Variants in SLC45A4 observed in about 807,000 individuals in gnomAD.
SLC45A4 encodes the protein polyamine-transporter SLC45A4.
SLC45A4 carries 32 observed loss-of-function variants against 63.7 expected under a neutral mutation model. That is an observed-to-expected ratio of 0.50 (90% confidence interval 0.38 to 0.67). SLC45A4 has a LOEUF of 0.67. Ranked by LOEUF, SLC45A4 falls within the 30% of genes least tolerant of loss-of-function variation. The probability of loss-of-function intolerance (pLI) is 0.00; values close to 1 mark genes in which losing one functional copy is unlikely to be tolerated. For missense variants in SLC45A4, 1,027 were observed against 1,157.7 expected, an observed-to-expected ratio of 0.89 and a Z score of 1.64; for synonymous variants, 535 against 510.0, an observed-to-expected ratio of 1.05 and a Z score of -0.66.
intron 2 of SLC45A4, among the ~76,000 whole-genome samples, chr8:141,223,154 A>G (rs775991122): frequency 1.3e-5 from 2 of 152,236 alleles, no homozygotes; most frequent in Non-Finnish European, 2.9e-5. Context: ...TAATGTGCTC[A>G]CTAAAACATG....
At chr8:141,234,089 C>T (rs903137142) in intron 2 of SLC45A4, among the ~76,000 whole-genome samples, 1 of 152,242 alleles carries the variant, frequency 6.6e-6, no homozygotes, top group Admixed American at 6.5e-5. Flanking sequence ...ATTAGCGAAT[C>T]GTCGCCAACA....
At chr8:141,277,749 C>T (rs1829784996) in intron 1 of SLC45A4, among the ~76,000 whole-genome samples, 4 of 152,072 alleles carry the variant, frequency 2.6e-5, no homozygotes, top group Admixed American at 6.5e-5. Flanking sequence ...ACGCCATTCT[C>T]CTGCCTCAGC....
chr8:141,296,761 A>C (rs1185304788), intron 1 of SLC45A4, among the ~76,000 whole-genome samples: 1 of 146,650 alleles, frequency 6.8e-6, no homozygotes, highest in African/African-American at 2.5e-5. Flanking sequence ...GCTTGTACCC[A>C]CGAGGCAGAG....
intron 1 of SLC45A4, among the ~76,000 whole-genome samples, chr8:141,269,580 C>CTGTGTGTGTGGG (rs1368826311): frequency 3.0e-4 from 44 of 146,198 alleles, no homozygotes; most frequent in African/African-American, 1.0e-3. Flanking sequence ...GCCTATGTGT[C>CTGTGTGTGTGGG]TGTGTGTGTG....
chr8:141,275,169 G>C (rs1241022929), intron 1 of SLC45A4, among the ~76,000 whole-genome samples: 1 of 152,178 alleles, frequency 6.6e-6, no homozygotes, highest in African/African-American at 2.4e-5. Context: ...CATTTTCTGT[G>C]ACGAGGAAAG....
chr8:141,292,817 C>T (rs972195309), intron 1 of SLC45A4: 1 of 152,258 alleles, frequency 6.6e-6, no homozygotes, highest in Non-Finnish European at 1.5e-5. Flanking sequence ...AAAACCACAC[C>T]CTATCAACGC....
chr8:141,269,275 C>T (rs1029489321), intron 1 of SLC45A4, among the ~76,000 whole-genome samples: 1 of 152,238 alleles, frequency 6.6e-6, no homozygotes, highest in Non-Finnish European at 1.5e-5. Flanking sequence ...CTTAAGTCTT[C>T]TGATAACCGT....
Position 141,212,302 on chromosome 8 carries a change from G to A in SLC45A4, c.2196C>T (p.Ser732=). 6.2e-7 allele frequency: 1 copy of A among 1,609,302 alleles called. No individual in the cohort carries two copies. The highest frequency in any genetic ancestry group is 8.5e-7 in the Non-Finnish European group (1 of 1,176,874). The change falls in exon 8 of 9, where the codon TCC becomes TCT. Residue 732 remains serine, a synonymous_variant. Coordinates refer to ENST00000517878, the MANE Select transcript of SLC45A4 (RefSeq NM_001286646.2). Reference sequence around the variant, plus strand: ...CGGCCCTGCCTTCGCCGGCCAACGGGGAAGACAGGCCTTTCTGCTCCTCCT... The same window carrying A: ...CGGCCCTGCCTTCGCCGGCCAACGGAGAAGACAGGCCTTTCTGCTCCTCCT... ...EAKEEQKGLS[S]PLAGEGRAGG... is the part of the protein sequence containing the mutation.
rs1826485086 is a variant in SLC45A4 at position 141,219,823 on chromosome 8, G to C, written c.437C>G (p.Ala146Gly). 6.3e-7 allele frequency: 1 copy of C among 1,579,076 alleles called. No homozygotes were observed. Among genetic ancestry groups the C allele is most frequent in the Non-Finnish European group, 8.6e-7 (1 of 1,163,942 alleles). Residue 146 changes from alanine (A) to glycine (G), a missense_variant, in exon 4 of 9, where the codon GCC becomes GGC. Transcript: ENST00000517878. Reference sequence around the variant, plus strand: ...CTGCCGGTTGGGGACATCGCCGAGGGCCAGACCTGCGCAGAGCACACGGGA... The same window carrying C: ...CTGCCGGTTGGGGACATCGCCGAGGCCCAGACCTGCGCAGAGCACACGGGA... The part of the protein sequence containing the change: ...LFLNGSAIGL[A>G]LGDVPNRQPI...
chr8:141,299,042 G>A (rs776221385), intron 1 of SLC45A4, among the ~76,000 whole-genome samples: 1 of 152,176 alleles, frequency 6.6e-6, no homozygotes, highest in Non-Finnish European at 1.5e-5. Context: ...CGCCCGGCAC[G>A]GATGCAGATG....
intron 1 of SLC45A4, among the ~76,000 whole-genome samples, chr8:141,273,562 C>T (rs1829619406): frequency 6.6e-6 from 1 of 152,072 alleles, no homozygotes; most frequent in South Asian, 2.1e-4. Flanking sequence ...GCACGCGAAG[C>T]AGCTAAATGG....
At chr8:141,272,040 C>T (rs1290508558) in intron 1 of SLC45A4, among the ~76,000 whole-genome samples, 1 of 152,146 alleles carries the variant, frequency 6.6e-6, no homozygotes, top group Non-Finnish European at 1.5e-5. Flanking sequence ...CATTCACACA[C>T]GTGTGCAACA....
At chr8:141,255,171 C>A (rs1828714805) in intron 1 of SLC45A4, among the ~76,000 whole-genome samples, 1 of 152,178 alleles carries the variant, frequency 6.6e-6, no homozygotes, top group Non-Finnish European at 1.5e-5. Context: ...TGGCTCTCTG[C>A]AGCCTCAAAC....
intron 4 of SLC45A4, 140 bp downstream of exon 4, chr8:141,219,510 G>T: frequency 9.1e-7 from 1 of 1,097,770 alleles, no homozygotes. Flanking sequence ...TTACCTTCCA[G>T]CCCTAAGACC....
Position 141,227,624 on chromosome 8 carries a change from T to C in SLC45A4, c.242-5859A>G, listed in dbSNP as rs1029293137. On this transcript the variant is annotated intron_variant, in intron 2 of 8. Transcript: ENST00000517878. The surrounding 1 kb of genome is among the most constrained non-coding windows in gnomAD (Gnocchi z 4.4). Reference sequence around the variant, plus strand: ...GCCGGGGGAGCCGGGCCCCCAGGGCTCGGGCCACCTGCTTGCAAGAGGGGA... The same window carrying C: ...GCCGGGGGAGCCGGGCCCCCAGGGCCCGGGCCACCTGCTTGCAAGAGGGGA... Among the ~76,000 whole-genome samples the C allele has an allele frequency of 6.6e-6, 1 of 152,034 alleles. No individual in the cohort carries two copies. The highest frequency in any genetic ancestry group is 2.4e-5 in the African/African-American group (1 of 41,390).
At chr8:141,211,797 T>C in intron 8 of SLC45A4, 100 bp from the exon 9 acceptor site, 1 of 1,361,676 alleles carries the variant, frequency 7.3e-7, no homozygotes, top group Non-Finnish European at 9.5e-7. Flanking sequence ...CAGATTTTGT[T>C]TTCAATTATA....
intron 1 of SLC45A4, among the ~76,000 whole-genome samples, chr8:141,287,076 C>A (rs955260617): frequency 6.6e-6 from 1 of 152,080 alleles, no homozygotes; most frequent in African/African-American, 2.4e-5. Flanking sequence ...AGGTCATGTG[C>A]GAGGCCTTAG....
intron 6 of SLC45A4, among the ~76,000 whole-genome samples, chr8:141,216,578 G>A (rs1826167508): frequency 6.6e-6 from 1 of 152,204 alleles, no homozygotes. Flanking sequence ...AAATGAAGCT[G>A]GCCTTCCCCA....
chr8:141,300,625 G>A (rs779468336), intron 1 of SLC45A4, among the ~76,000 whole-genome samples: 65 of 152,244 alleles, frequency 4.3e-4, no homozygotes, highest in Non-Finnish European at 4.6e-4. Context: ...GCCCTGTGCA[G>A]GAAGAAGGGC....
Sources: gnomAD v4.1 joint callset for allele counts (sites outside exome capture counted in the v4.1 genomes callset) on GRCh38, gnomAD v4.1.1 for gene constraint, Gnocchi (gnomAD v3.1) non-coding constraint, MANE v1.5 for transcripts, NCBI Gene and HGNC (gene_info 2026-07-23, HGNC 2026-07-21) for gene names.